MIB1: variants seen among roughly 807,000 people sequenced by gnomAD.
The protein encoded by MIB1 is E3 ubiquitin-protein ligase MIB1.
Under a neutral mutation model 124.5 loss-of-function variants are expected in MIB1, and 278 were observed. That is an observed-to-expected ratio of 2.23 (90% confidence interval 2.02 to 2.47). MIB1 has a LOEUF of 2.47. MIB1 is among the 30% of genes most tolerant of loss of function. The pLI, the probability that MIB1 is intolerant of heterozygous loss-of-function variation, is 0.00. For missense variants in MIB1, 957 were observed against 1,254.4 expected (o/e 0.76, Z 3.58); for synonymous variants, 446 against 429.4 (o/e 1.04, Z -0.48).
upstream of MIB1, among the ~76,000 whole-genome samples, chr18:21,738,440 G>A (rs891816839): frequency 6.6e-6 from 1 of 152,086 alleles, no homozygotes; most frequent in Non-Finnish European, 1.5e-5. Context: ...GTGTGTAGAG[G>A]GAAATTTATA....
intron 8 of MIB1, 100 bp from the exon 9 acceptor site, chr18:21,799,741 A>G (rs1889111838): frequency 8.6e-7 from 1 of 1,165,806 alleles, no homozygotes; most frequent in African/African-American, 1.5e-5. Flanking sequence ...TGGAAAGAAT[A>G]AAATAGGAAA....
chr18:21,858,629 C>T lies in MIB1; in HGVS notation c.2863C>T (p.Gln955Ter), dbSNP rs1225714106. ...TGTGCAAAAGTTGCAGCAACAGTTA[C>T]AAGACATTAAAGAGCAGGTAATAAT... ...ADVQKLQQQL[Q>*]DIKEQTMCPV... Residue 955 changes from glutamine (Q) to a stop codon, truncating the protein, a stop_gained, in exon 20 of 21, where the codon CAA becomes TAA. Coordinates refer to ENST00000261537, the MANE Select transcript of MIB1 (RefSeq NM_020774.4). LOFTEE classifies it high-confidence loss of function. 6.3e-7 allele frequency: 1 copy of T among 1,577,744 alleles called. No homozygotes were observed. Among genetic ancestry groups the T allele is most frequent in the Non-Finnish European group, 8.7e-7 (1 of 1,147,478 alleles).
At chr18:21,716,593 T>C (rs2146355506) in intron 1 of MIB1, among the ~76,000 whole-genome samples, 1 of 152,336 alleles carries the variant, frequency 6.6e-6, no homozygotes, top group South Asian at 2.1e-4. Flanking sequence ...GGCTCACGCC[T>C]GTAATCTCAG....
chr18:21,847,105 GT>G lies in MIB1; in HGVS notation c.2374del (p.Cys792ValfsTer17). 6.2e-7 allele frequency: 1 copy of G among 1,614,060 alleles called. No individual in the cohort carries two copies. The highest frequency in any genetic ancestry group is 8.5e-7 in the Non-Finnish European group (1 of 1,179,980). On this transcript the variant is annotated frameshift_variant, in exon 16 of 21. Coordinates refer to ENST00000261537, the MANE Select transcript of MIB1 (RefSeq NM_020774.4). LOFTEE classifies it high-confidence loss of function. ...CGAATCTCTGCAAAGCACTGGCAAAGTGTCATAAGGAAAAAGTCAGGTTTGT... is the reference window on the plus strand; with the variant it reads ...CGAATCTCTGCAAAGCACTGGCAAAGGTCATAAGGAAAAAGTCAGGTTTGT... ...DPNLCKALAK[C>X]HKEKVSGQVG...
At chr18:21,855,273 G>C (rs1191241301) in intron 18 of MIB1, among the ~76,000 whole-genome samples, 1 of 152,222 alleles carries the variant, frequency 6.6e-6, no homozygotes, top group Non-Finnish European at 1.5e-5. Flanking sequence ...AGTTCGTCCA[G>C]TACCCCCATC....
In MIB1 at chr18:21,813,283, A is replaced by G. The variant is rs192174703; in HGVS notation, c.1480-2333A>G. Reference sequence around the variant, plus strand: ...TTTTAACTCTAAGATTCTGAATTATATCTGTTACTAGAGAGATTAACTTAG... The same window carrying G: ...TTTTAACTCTAAGATTCTGAATTATGTCTGTTACTAGAGAGATTAACTTAG... On this transcript the variant is annotated intron_variant, in intron 10 of 20. Transcript: ENST00000261537. 2.2e-4 allele frequency among the ~76,000 whole-genome samples: 34 copies of G among 151,778 alleles called. No homozygotes were observed. The East Asian group carries it at 6.4e-3, about 28-fold the overall frequency.
At chr18:21,743,502 G>A (rs1005023408) in intron 1 of MIB1, among the ~76,000 whole-genome samples, 1 of 152,208 alleles carries the variant, frequency 6.6e-6, no homozygotes, top group African/African-American at 2.4e-5. Context: ...TGAAGAAGTG[G>A]AATTGCTGCA....
chr18:21,755,786 A>G (rs974913765), intron 1 of MIB1, among the ~76,000 whole-genome samples: 16 of 152,178 alleles, frequency 1.1e-4, no homozygotes, highest in East Asian at 7.7e-4. Context: ...TTTAAAAGCA[A>G]ATTTACTTTC....
At chr18:21,816,414 A>G (rs2041830091) in intron 11 of MIB1, among the ~76,000 whole-genome samples, 2 of 152,234 alleles carry the variant, frequency 1.3e-5, no homozygotes, top group Admixed American at 6.5e-5. Flanking sequence ...TTACTAAGCA[A>G]CTTGTCTTTT....
intron 12 of MIB1, among the ~76,000 whole-genome samples, chr18:21,834,483 C>T (rs2042009410): frequency 6.6e-6 from 1 of 152,128 alleles, no homozygotes; most frequent in Admixed American, 6.5e-5. Flanking sequence ...GAAATGTTTA[C>T]ATTGGAGAAA....
At chr18:21,822,942 TA>T in intron 12 of MIB1, among the ~76,000 whole-genome samples, 1 of 150,530 alleles carries the variant, frequency 6.6e-6, no homozygotes. Context: ...TCTAAAAAAT[TA>T]AAAAATTAGG....
intron 17 of MIB1, 149 bp from the exon 18 acceptor site, chr18:21,852,991 A>G: frequency 1.7e-6 from 1 of 592,644 alleles, no homozygotes; most frequent in Admixed American, 3.0e-5. Context: ...TAACCAGGAA[A>G]GTAGAGGATG....
At position 21,815,781 on chromosome 18, in the gene MIB1, T is replaced by C. The variant is rs766378304; in HGVS notation, c.1645T>C (p.Leu549=). The C allele has an allele frequency of 1.9e-6, 3 of 1,614,012 alleles. No individual in the cohort carries two copies. Among genetic ancestry groups the C allele is most frequent in the African/African-American group, 2.7e-5 (2 of 74,916 alleles). ...AGGTCATCTTCAAGTTGTGAAGACT[T>C]TATTGGACTTTGGCTGTCATCCCAG... ...NKGHLQVVKT[L]LDFGCHPSLQ... The change falls in exon 11 of 21, where the codon TTA becomes CTA. Residue 549 remains leucine, a synonymous_variant. Coordinates refer to ENST00000261537, the MANE Select transcript of MIB1 (RefSeq NM_020774.4).
chr18:21,803,217 C>T (rs2041668659), intron 9 of MIB1, among the ~76,000 whole-genome samples: 1 of 152,016 alleles, frequency 6.6e-6, no homozygotes, highest in Non-Finnish European at 1.5e-5. Flanking sequence ...AGTGTGGTTT[C>T]AGGAAAGATA....
chr18:21,817,896 T>C (rs577342525), intron 11 of MIB1: 125 of 223,784 alleles, frequency 5.6e-4, no homozygotes, highest in African/African-American at 2.7e-3. Flanking sequence ...TAGTATATGC[T>C]GTAGGCCAGG....
Position 21,847,066 on chromosome 18 carries a change from T to A in MIB1, c.2334T>A (p.Asp778Glu). ...IRNKKGQSPLDLCPDPNLCKA... is the reference protein window; with the variant it reads ...IRNKKGQSPLELCPDPNLCKA... ...ATAAGAAGGGTCAATCGCCACTTGATCTCTGTCCTGATCCGAATCTCTGCA... is the reference window on the plus strand; with the variant it reads ...ATAAGAAGGGTCAATCGCCACTTGAACTCTGTCCTGATCCGAATCTCTGCA... The change falls in exon 16 of 21, where the codon GAT (aspartate) becomes GAA (glutamate). Residue 778 changes from aspartate to glutamate, a missense_variant. Physicochemically the swap from Asp to Glu is conservative, Grantham distance 45. Transcript: ENST00000261537. 1 of 1,614,194 alleles carries A rather than the reference T, an allele frequency of 6.2e-7. No individual in the cohort carries two copies. Among genetic ancestry groups the A allele is most frequent in the Non-Finnish European group, 8.5e-7 (1 of 1,180,042 alleles).
intron 1 of MIB1, among the ~76,000 whole-genome samples, chr18:21,759,396 C>A (rs1197375390): frequency 2.0e-5 from 3 of 151,994 alleles, no homozygotes; most frequent in African/African-American, 7.3e-5. Context: ...GTGCGCACCA[C>A]TGGGCCCAGC....
At chr18:21,856,093 G>A (rs892546013) in intron 18 of MIB1, among the ~76,000 whole-genome samples, 9 of 151,434 alleles carry the variant, frequency 5.9e-5, no homozygotes, top group South Asian at 4.2e-4. Flanking sequence ...AGCCGGGCGC[G>A]GTGGCGGGCG....
chr18:21,735,777 A>G (rs1273034996), intron 1 of MIB1, among the ~76,000 whole-genome samples: 2 of 152,224 alleles, frequency 1.3e-5, no homozygotes, highest in Admixed American at 6.5e-5. Context: ...AACTGGGTGG[A>G]GGCCCTCTGC....
Sources: allele counts gnomAD v4.1 joint callset (sites outside exome capture counted in the v4.1 genomes callset), GRCh38; gene constraint gnomAD v4.1.1; transcripts MANE v1.5; gene names NCBI Gene and HGNC (gene_info 2026-07-23, HGNC 2026-07-21).